The following PPT2 variants were observed in gnomAD, a reference collection of about 807,000 sequenced individuals.
The protein encoded by PPT2 is lysosomal thioesterase PPT2.
A neutral mutation model predicts 37.3 loss-of-function variants in PPT2; 20 were observed. The observed-to-expected ratio is 0.54, with a 90% confidence interval of 0.38 to 0.78. The LOEUF is 0.78. Among genes scored for constraint, PPT2 ranks in the 30% least tolerant of loss-of-function variants. PPT2 has a pLI of 0.00. For synonymous variants in PPT2, 135 were observed against 159.1 expected, an observed-to-expected ratio of 0.85 and a Z score of 1.14; for missense variants, 270 against 389.8, an observed-to-expected ratio of 0.69 and a Z score of 2.59.
rs1487391182 is a variant in PPT2, at chr6:32,154,904, G to C, written c.184-126G>C. ...CCTCAGGGAGCTGGTGCTGGCGTGGGGGAGAGTTGGGGGACGGGATCCCTG... is the reference window on the plus strand; with the variant it reads ...CCTCAGGGAGCTGGTGCTGGCGTGGCGGAGAGTTGGGGGACGGGATCCCTG... On this transcript the variant is annotated intron_variant, in intron 2 of 8. Transcript: ENST00000324816. The surrounding 1 kb of genome is among the most constrained non-coding windows in gnomAD (Gnocchi z 7.3). 1.3e-6 allele frequency: 2 copies of C among 1,530,650 alleles called. No homozygotes were observed. Among genetic ancestry groups the C allele is most frequent in the African/African-American group, 2.7e-5 (2 of 73,078 alleles). 94.8% of individuals were successfully genotyped at this position (1,530,650 alleles called of 1,614,324 possible).
chr6:32,158,538 C>T (rs1385666795), intron 7 of PPT2, among the ~76,000 whole-genome samples: 1 of 152,078 alleles, frequency 6.6e-6, no homozygotes, highest in Non-Finnish European at 1.5e-5. Context: ...ACATTATGGG[C>T]GCAGGCTTGT....
In PPT2 at chr6:32,154,927, C is replaced by G. The variant is rs776792885; in HGVS notation, c.184-103C>G. The G allele has an allele frequency of 1.2e-5, 19 of 1,554,084 alleles. No homozygotes were observed. The highest frequency in any genetic ancestry group is 1.7e-5 in the Non-Finnish European group (19 of 1,137,350). On this transcript the variant is annotated intron_variant, in intron 2 of 8. Coordinates refer to ENST00000324816, the MANE Select transcript of PPT2 (RefSeq NM_005155.7). The surrounding 1 kb of genome is among the most constrained non-coding windows in gnomAD (Gnocchi z 7.3). Reference sequence around the variant, plus strand: ...GGGGGAGAGTTGGGGGACGGGATCCCTGGTTCTAGCAGGGTACAATAGACC... The same window carrying G: ...GGGGGAGAGTTGGGGGACGGGATCCGTGGTTCTAGCAGGGTACAATAGACC...
chr6:32,154,045 C>T, upstream of PPT2: 1 of 1,142,840 alleles, frequency 8.8e-7, no homozygotes, highest in Non-Finnish European at 1.1e-6. This position sits in a 1 kb window ranked among gnomAD's most constrained non-coding sequence, Gnocchi z 7.3. Flanking sequence ...TGTCCTGGGT[C>T]TGTGTTGCGG....
chr6:32,160,848 C>T (rs1485291479), intron 7 of PPT2, among the ~76,000 whole-genome samples: 2 of 151,678 alleles, frequency 1.3e-5, no homozygotes, highest in Non-Finnish European at 2.9e-5. Context: ...ATTAGCTGGG[C>T]GTGGTGGTGT....
In PPT2 at chr6:32,156,891, C is replaced by G. The variant is rs1783835912; in HGVS notation, c.542-746C>G. 6.6e-6 allele frequency among the ~76,000 whole-genome samples: 1 copy of G among 151,880 alleles called. No homozygotes were observed. The highest frequency in any genetic ancestry group is 1.5e-5 in the Non-Finnish European group (1 of 67,980). ...ATATAGTAGATACTAGATAGAAGTA[C>G]TTGCTATTGCCAGGTGTGGTGGCTC... On this transcript the variant is annotated intron_variant, in intron 5 of 8. Transcript: ENST00000324816. This position sits in a 1 kb window ranked among gnomAD's most constrained non-coding sequence, Gnocchi z 4.9.
chr6:32,159,433 C>CAAAAAAA lies in PPT2; in HGVS notation c.710+1522_710+1528dup, dbSNP rs1214191656. Among the ~76,000 whole-genome samples, 26 of 22,182 alleles carry CAAAAAAA rather than the reference C, an allele frequency of 1.2e-3. 1 individual carries two copies. The highest frequency in any genetic ancestry group is 3.4e-3 in the African/African-American group (16 of 4,644). 14.6% of individuals were successfully genotyped at this position (22,182 alleles called of 152,430 possible). On this transcript the variant is annotated intron_variant, in intron 7 of 8. Transcript: ENST00000324816. ...GGGCAACAAGAGCGAAACTCCATCTCAAAAAAAAAAAAAAAAAAATATATA... is the reference window on the plus strand; with the variant it reads ...GGGCAACAAGAGCGAAACTCCATCTCAAAAAAAAAAAAAAAAAAAAAAAAAATATATA...
At chr6:32,160,370 A>G (rs1784075495) in intron 7 of PPT2, among the ~76,000 whole-genome samples, 1 of 151,302 alleles carries the variant, frequency 6.6e-6, no homozygotes, top group Admixed American at 6.6e-5. Flanking sequence ...TTTTTAATTA[A>G]AAGATTTTAA....
chr6:32,157,478 G>A, intron 5 of PPT2, 159 bp from the exon 6 acceptor site: 2 of 648,118 alleles, frequency 3.1e-6, no homozygotes, highest in Non-Finnish European at 2.8e-6. Flanking sequence ...CTCCCAAAGT[G>A]CTGGGATTAC....
At position 32,163,058 on chromosome 6, in the gene PPT2, T is replaced by C. The variant is rs1784272113; in HGVS notation, c.*108T>C. ...GCCTGTGACCACCTCATTGCTCCCATATTATCCCCCATTTTTAGTAGAGAC... is the reference window on the plus strand; with the variant it reads ...GCCTGTGACCACCTCATTGCTCCCACATTATCCCCCATTTTTAGTAGAGAC... On this transcript the variant is annotated 3_prime_UTR_variant, in exon 9 of 9. Transcript: ENST00000324816. 7.7e-7 allele frequency: 1 copy of C among 1,290,778 alleles called. No individual in the cohort carries two copies. Among genetic ancestry groups the C allele is most frequent in the Non-Finnish European group, 1.1e-6 (1 of 931,400 alleles). 80.0% of individuals were successfully genotyped at this position (1,290,778 alleles called of 1,614,324 possible).
rs939335906 is a variant in PPT2 at position 32,162,186 on chromosome 6, CTTTCTTTTTTCCT to C, written c.711-370_711-358del. On this transcript the variant is annotated intron_variant, in intron 7 of 8. Coordinates refer to ENST00000324816, the MANE Select transcript of PPT2 (RefSeq NM_005155.7). This position sits in a 1 kb window ranked among gnomAD's most constrained non-coding sequence, Gnocchi z 5.5. ...GACCTTAGCCCACCTTGATTTCTTC[CTTTCTTTTTTCCT>C]TTTCTTTTTTCTTTCCTTTTTCCTT... 4.6e-5 allele frequency among the ~76,000 whole-genome samples: 7 copies of C among 152,292 alleles called. No homozygotes were observed. Among genetic ancestry groups the C allele is most frequent in the African/African-American group, 1.4e-4 (6 of 41,564 alleles).
At chr6:32,153,566 C>T (rs764250474), upstream of PPT2, 41 of 1,565,356 alleles carry the variant, frequency 2.6e-5, no homozygotes, top group Non-Finnish European at 3.6e-5. The surrounding 1 kb of genome is among the most constrained non-coding windows in gnomAD (Gnocchi z 4.4). Context: ...CTGCACTTAG[C>T]TCAAGGGGCC....
Position 32,154,727 on chromosome 6 carries a change from C to A in PPT2, c.133C>A (p.Leu45Ile). 1 of 1,613,184 alleles carries A rather than the reference C, an allele frequency of 6.2e-7. No individual in the cohort carries two copies. Among genetic ancestry groups the A allele is most frequent in the Non-Finnish European group, 8.5e-7 (1 of 1,180,010 alleles). The change falls in exon 2 of 9, where the codon CTC becomes ATC. Residue 45 changes from leucine to isoleucine, a missense_variant. Coordinates refer to ENST00000324816, the MANE Select transcript of PPT2 (RefSeq NM_005155.7). The surrounding 1 kb of genome is among the most constrained non-coding windows in gnomAD (Gnocchi z 7.3). ...CAAGCCGGTCATCGTGGTGCATGGGCTCTTCGACAGCTCGTACAGCTTCCG... is the reference window on the plus strand; with the variant it reads ...CAAGCCGGTCATCGTGGTGCATGGGATCTTCGACAGCTCGTACAGCTTCCG... ...SYKPVIVVHG[L>I]FDSSYSFRHL... is the part of the protein sequence containing the mutation.
chr6:32,155,019 C>G lies in PPT2; in HGVS notation c.184-11C>G, dbSNP rs1490707797. 2.5e-6 allele frequency: 4 copies of G among 1,612,428 alleles called. No individual in the cohort carries two copies. Among genetic ancestry groups the G allele is most frequent in the Non-Finnish European group, 3.4e-6 (4 of 1,179,962 alleles). ...CCTATCCCCGGTGGCTGCATTGCCCCCTTCCCACAGACACACCCCGGGACT... is the reference window on the plus strand; with the variant it reads ...CCTATCCCCGGTGGCTGCATTGCCCGCTTCCCACAGACACACCCCGGGACT... On this transcript the variant is annotated splice_polypyrimidine_tract_variant and intron_variant, in intron 2 of 8. Coordinates refer to ENST00000324816, the MANE Select transcript of PPT2 (RefSeq NM_005155.7). This position sits in a 1 kb window ranked among gnomAD's most constrained non-coding sequence, Gnocchi z 4.3.
Position 32,154,963 on chromosome 6 carries a change from G to A in PPT2, c.184-67G>A. On this transcript the variant is annotated intron_variant, in intron 2 of 8. Coordinates refer to ENST00000324816, the MANE Select transcript of PPT2 (RefSeq NM_005155.7). This position sits in a 1 kb window ranked among gnomAD's most constrained non-coding sequence, Gnocchi z 7.3. ...AGGGTACAATAGACCTGTGGACGCG[G>A]GCCAGGGGGTGGCGTGTGGGAGCTT... 1 of 1,603,030 alleles carries A rather than the reference G, an allele frequency of 6.2e-7. No homozygotes were observed.
At position 32,157,647 on chromosome 6, in the gene PPT2, C is replaced by T. The variant is rs376982196; in HGVS notation, c.552C>T (p.His184=). 1.5e-5 allele frequency: 24 copies of T among 1,596,684 alleles called. No individual in the cohort carries two copies. The African/African-American group carries it at 1.7e-4, about 12-fold the overall frequency. Reference sequence around the variant, plus strand: ...GCTGTTTGTACCCAGATCCCCACCACGATGACTTGTACCTCAATGCCAGCA... The same window carrying T: ...GCTGTTTGTACCCAGATCCCCACCATGATGACTTGTACCTCAATGCCAGCA... The part of the protein sequence containing the change: ...SICNYWHDPH[H]DDLYLNASSF... The change falls in exon 6 of 9, where the codon CAC becomes CAT. Residue 184 remains histidine (H), a synonymous_variant. Coordinates refer to ENST00000324816, the MANE Select transcript of PPT2 (RefSeq NM_005155.7).
In PPT2 at chr6:32,154,393, G is replaced by C; in HGVS notation, c.-20G>C. ...AACGCTGAGTTGGAGGCGGGACTTCGGGTGCGCGTTGGTGCGTCAACGTGG... is the reference window on the plus strand; with the variant it reads ...AACGCTGAGTTGGAGGCGGGACTTCCGGTGCGCGTTGGTGCGTCAACGTGG... On this transcript the variant is annotated 5_prime_UTR_variant, in exon 1 of 9. Transcript: ENST00000324816. The surrounding 1 kb of genome is among the most constrained non-coding windows in gnomAD (Gnocchi z 7.3). The C allele has an allele frequency of 7.0e-7, 1 of 1,438,522 alleles. No homozygotes were observed. 89.1% of individuals were successfully genotyped at this position (1,438,522 alleles called of 1,614,324 possible).
chr6:32,154,829 G>A lies in PPT2; in HGVS notation c.183+52G>A. ...GGCGTTAGAGGCGTCTACTGTGGCA[G>A]GGGAGGGAGAGCGGGGAACTGAAAG... is the stretch of plus-strand genomic sequence containing the variant. On this transcript the variant is annotated intron_variant, in intron 2 of 8. Coordinates refer to ENST00000324816, the MANE Select transcript of PPT2 (RefSeq NM_005155.7). This position sits in a 1 kb window ranked among gnomAD's most constrained non-coding sequence, Gnocchi z 7.3. The A allele has an allele frequency of 6.3e-7, 1 of 1,577,788 alleles. No individual in the cohort carries two copies. Among genetic ancestry groups the A allele is most frequent in the Non-Finnish European group, 8.6e-7 (1 of 1,157,048 alleles).
At chr6:32,153,678 TG>T, upstream of PPT2, 3 of 194,726 alleles carry the variant, frequency 1.5e-5, no homozygotes, top group Non-Finnish European at 3.1e-5. This position sits in a 1 kb window ranked among gnomAD's most constrained non-coding sequence, Gnocchi z 4.4. Flanking sequence ...TGGGGTGGGG[TG>T]GGTGTTGAGG....
rs1460691555 is a variant in PPT2 at position 32,162,033 on chromosome 6, A to G, written c.711-535A>G. Reference sequence around the variant, plus strand: ...TCGCCCGGCCAGTAATGCATTTTTGATGGGGTTTCTACAGAAGTGAGGTCG... The same window carrying G: ...TCGCCCGGCCAGTAATGCATTTTTGGTGGGGTTTCTACAGAAGTGAGGTCG... On this transcript the variant is annotated intron_variant, in intron 7 of 8. Transcript: ENST00000324816. This position sits in a 1 kb window ranked among gnomAD's most constrained non-coding sequence, Gnocchi z 5.5. Among the ~76,000 whole-genome samples the G allele has an allele frequency of 6.6e-6, 1 of 151,504 alleles. No individual in the cohort carries two copies. The highest frequency in any genetic ancestry group is 2.4e-5 in the African/African-American group (1 of 41,198).
Sources: allele counts gnomAD v4.1 joint callset (sites outside exome capture counted in the v4.1 genomes callset), GRCh38; gene constraint gnomAD v4.1.1; non-coding constraint Gnocchi (gnomAD v3.1); transcripts MANE v1.5; gene names NCBI Gene and HGNC (gene_info 2026-07-23, HGNC 2026-07-21).